LRRC27: variants seen among roughly 807,000 people sequenced by gnomAD.
LRRC27 encodes the protein leucine rich repeat containing 27.
A neutral mutation model predicts 55.0 loss-of-function variants in LRRC27; 57 were observed. The ratio of observed to expected loss-of-function variants is 1.04; its 90% CI spans 0.84 to 1.29. LRRC27 has a LOEUF of 1.29. Ranked by LOEUF, LRRC27 falls within the 50% of genes most tolerant of loss-of-function variation. The probability of loss-of-function intolerance (pLI) is 0.00; values close to 1 mark genes in which losing one functional copy is unlikely to be tolerated. For missense variants in LRRC27, 721 were observed against 651.5 expected (o/e 1.11, Z -1.16); for synonymous variants, 278 against 251.9 (o/e 1.10, Z -0.98).
intron 7 of LRRC27, among the ~76,000 whole-genome samples, chr10:132,352,417 CCTCCGTGTGGGGCAGGCGCAGGTGCAGCG>C (rs1348587322): frequency 1.6e-4 from 18 of 114,900 alleles, no homozygotes; most frequent in Non-Finnish European, 2.5e-4. Context: ...AGCCCCGAGG[CCTCCGTGTGGGGCAGGCGCAGGTGCAGCG>C]CTCCGTGTGG....
rs117294425 is a variant in LRRC27, at chr10:132,336,935, A to T, written c.211-630A>T. On this transcript the variant is annotated intron_variant, in intron 2 of 10. Transcript: ENST00000368614. ...TGTGAATGTTATATGCATTTTACACAGCTAAAATCAGCGTGTATACGTTCA... is the reference window on the plus strand; with the variant it reads ...TGTGAATGTTATATGCATTTTACACTGCTAAAATCAGCGTGTATACGTTCA... 700 of 620,204 alleles carry T rather than the reference A, an allele frequency of 1.1e-3. 17 individuals carry two copies. The East Asian group carries it at 0.019, about 17-fold the overall frequency. 38.4% of individuals were successfully genotyped at this position (620,204 alleles called of 1,614,324 possible).
rs1267923646 is a variant in LRRC27, at chr10:132,378,869, A to T, written c.*3627A>T. ...AGATGCCATCCTTCTCTTCTCCAGC[A>T]TTTCCACTCACCTCCGTGTTCTTGG... is the stretch of plus-strand genomic sequence containing the variant. On this transcript the variant is annotated 3_prime_UTR_variant, in exon 11 of 11. Coordinates refer to ENST00000368614, the MANE Select transcript of LRRC27 (RefSeq NM_030626.3). 1 of 154,600 alleles carries T rather than the reference A, an allele frequency of 6.5e-6. No individual in the cohort carries two copies. Among genetic ancestry groups the T allele is most frequent in the African/African-American group, 2.4e-5 (1 of 41,382 alleles). 9.6% of individuals were successfully genotyped at this position (154,600 alleles called of 1,614,324 possible). A position where few individuals can be genotyped will look rare whatever the true frequency, so the allele number is the denominator to read the frequency against.
chr10:132,353,741 C>T (rs1168757911), intron 7 of LRRC27, among the ~76,000 whole-genome samples: 1 of 152,162 alleles, frequency 6.6e-6, no homozygotes, highest in Non-Finnish European at 1.5e-5. Context: ...GAAGGCTTTC[C>T]TTTGGTGCCC....
intron 1 of LRRC27, 92 bp from the exon 2 acceptor site, chr10:132,333,385 C>G: frequency 2.1e-6 from 1 of 470,184 alleles, no homozygotes; most frequent in Non-Finnish European, 3.5e-6. Context: ...GCTTTTAAAG[C>G]AAGTTACATT....
intron 8 of LRRC27, 64 bp from the exon 9 acceptor site, chr10:132,361,393 G>A (rs565905354): frequency 5.1e-6 from 7 of 1,371,344 alleles, no homozygotes; most frequent in Non-Finnish European, 7.3e-6. Context: ...CACCTTGCAG[G>A]TTAGCTTTGT....
At chr10:132,354,729 A>C (rs540672964) in intron 7 of LRRC27, among the ~76,000 whole-genome samples, 8 of 152,324 alleles carry the variant, frequency 5.3e-5, no homozygotes, top group Admixed American at 1.3e-4. Context: ...GCAAGGAAGG[A>C]GAGCAGAGGT....
intron 10 of LRRC27, among the ~76,000 whole-genome samples, chr10:132,370,367 C>A (rs1488350096): frequency 2.6e-5 from 4 of 152,224 alleles, no homozygotes; most frequent in Admixed American, 2.6e-4. Context: ...TAAACACCCG[C>A]TAACTTCCCA....
At position 132,355,848 on chromosome 10, in the gene LRRC27, G is replaced by GC. The variant is rs2068282972; in HGVS notation, c.1132_1133insC (p.Glu378AlafsTer27). 6.4e-7 allele frequency: 1 copy of GC among 1,558,652 alleles called. No homozygotes were observed. The highest frequency in any genetic ancestry group is 1.4e-5 in the African/African-American group (1 of 73,226). ...AGCCCAGAGGATGAGGAAGAGGAAG[G>GC]AAGAGCTCAGCAAACTCCTGCCTCC... On this transcript the variant is annotated frameshift_variant, in exon 8 of 11. Transcript: ENST00000368614. LOFTEE classifies it high-confidence loss of function.
chr10:132,344,210 C>T (rs113706547), intron 4 of LRRC27, among the ~76,000 whole-genome samples: 12 of 152,236 alleles, frequency 7.9e-5, no homozygotes, highest in African/African-American at 2.6e-4. Flanking sequence ...GATAATATAG[C>T]GACTTTGTAT....
chr10:132,368,129 T>TA (rs1241260145), intron 10 of LRRC27, among the ~76,000 whole-genome samples: 1 of 152,126 alleles, frequency 6.6e-6, no homozygotes, highest in Non-Finnish European at 1.5e-5. Context: ...TGGTACTAAG[T>TA]AAAAATCTAA....
chr10:132,337,775 C>T (rs1372692507), intron 3 of LRRC27, 80 bp downstream of exon 3: 1 of 1,511,462 alleles, frequency 6.6e-7, no homozygotes, highest in Non-Finnish European at 9.0e-7. Context: ...TTGTCCTTTA[C>T]TCTTGATTAA....
intron 10 of LRRC27, among the ~76,000 whole-genome samples, chr10:132,368,802 G>C (rs1038531505): frequency 6.6e-6 from 1 of 152,040 alleles, no homozygotes; most frequent in Non-Finnish European, 1.5e-5. Flanking sequence ...TTGATAAGCC[G>C]GGCTTCATTA....
rs918869784 is a variant in LRRC27 at position 132,348,378 on chromosome 10, G to A, written c.926+22G>A. 3.1e-6 allele frequency: 5 copies of A among 1,596,042 alleles called. No individual in the cohort carries two copies. The highest frequency in any genetic ancestry group is 1.7e-4 in the Middle Eastern group (1 of 5,980). On this transcript the variant is annotated intron_variant, in intron 6 of 10. Coordinates refer to ENST00000368614, the MANE Select transcript of LRRC27 (RefSeq NM_030626.3). This position sits in a 1 kb window ranked among gnomAD's most constrained non-coding sequence, Gnocchi z 4.2. ...TCAGGTAAAACTGAAAAGCAACGGG[G>A]GATTTTCTTGATCTTTGCGAATTTA... is the stretch of plus-strand genomic sequence containing the variant.
chr10:132,335,698 T>G (rs1438456997), intron 2 of LRRC27, among the ~76,000 whole-genome samples: 1 of 152,010 alleles, frequency 6.6e-6, no homozygotes, highest in African/African-American at 2.4e-5. Context: ...TCCTGGACGT[T>G]CCCTATTGGT....
At chr10:132,357,298 A>G (rs2068352831) in intron 8 of LRRC27, among the ~76,000 whole-genome samples, 2 of 152,184 alleles carry the variant, frequency 1.3e-5, no homozygotes, top group Non-Finnish European at 1.5e-5. Context: ...AATTTCCCCA[A>G]TATGTGGGAA....
chr10:132,363,312 C>G (rs1054054424), intron 9 of LRRC27, among the ~76,000 whole-genome samples: 1 of 152,176 alleles, frequency 6.6e-6, no homozygotes, highest in Non-Finnish European at 1.5e-5. Context: ...CTCGCAGCAG[C>G]ATTCCTTTGA....
At chr10:132,332,063 G>A (rs1326994556), upstream of LRRC27, 6 of 255,472 alleles carry the variant, frequency 2.3e-5, no homozygotes, top group East Asian at 4.9e-4. Flanking sequence ...CCCACAACAC[G>A]CACACCCCCG....
intron 8 of LRRC27, among the ~76,000 whole-genome samples, chr10:132,359,362 A>G (rs1344558694): frequency 6.6e-6 from 1 of 152,210 alleles, no homozygotes. Flanking sequence ...AGACAAGCAT[A>G]AATAAATACA....
At chr10:132,339,530 C>G (rs1256859976) in intron 3 of LRRC27, among the ~76,000 whole-genome samples, 1 of 152,182 alleles carries the variant, frequency 6.6e-6, no homozygotes, top group Non-Finnish European at 1.5e-5. Flanking sequence ...CGGGGCTCAG[C>G]TGGTACATCT....
Sources: gnomAD v4.1 joint callset for allele counts (sites outside exome capture counted in the v4.1 genomes callset) on GRCh38, gnomAD v4.1.1 for gene constraint, Gnocchi (gnomAD v3.1) non-coding constraint, MANE v1.5 for transcripts, NCBI Gene and HGNC (gene_info 2026-07-23, HGNC 2026-07-21) for gene names.